SPARCL1: variants seen among roughly 807,000 people sequenced by gnomAD.
SPARCL1 encodes SPARC-like protein 1.
In SPARCL1, 52 loss-of-function variants were observed where a neutral mutation model predicts 67.1. The observed-to-expected ratio is 0.78, with a 90% CI of 0.62 to 0.98. The LOEUF (loss-of-function observed/expected upper bound fraction) is 0.98, where lower values mean the gene tolerates loss of function less well. SPARCL1 is among the 50% of genes least tolerant of loss of function. SPARCL1 has a pLI of 0.00. For missense variants in SPARCL1, 717 were observed against 782.4 expected (o/e 0.92, Z 1.00); for synonymous variants, 226 against 267.8 (o/e 0.84, Z 1.52).
chr4:87,474,365 C>T (rs1372245594), intron 10 of SPARCL1, among the ~76,000 whole-genome samples: 1 of 150,972 alleles, frequency 6.6e-6, no homozygotes, highest in Non-Finnish European at 1.5e-5. Flanking sequence ...TAATCTTTAT[C>T]TAGCCCAGAG....
At chr4:87,498,133 A>C (rs1007740905) in intron 2 of SPARCL1, among the ~76,000 whole-genome samples, 5 of 152,172 alleles carry the variant, frequency 3.3e-5, no homozygotes, top group African/African-American at 1.2e-4. Context: ...GGAGAAAACA[A>C]CGGTTTTGTG....
intron 1 of SPARCL1, among the ~76,000 whole-genome samples, chr4:87,522,717 A>G (rs1725875769): frequency 6.6e-6 from 1 of 151,842 alleles, no homozygotes; most frequent in Non-Finnish European, 1.5e-5. Flanking sequence ...TTCAGACTTC[A>G]GATCAAGGAA....
chr4:87,473,861 A>C, intron 10 of SPARCL1, 58 bp from the exon 11 acceptor site: 1 of 1,190,064 alleles, frequency 8.4e-7, no homozygotes, highest in Non-Finnish European at 1.2e-6. Flanking sequence ...GTAGTAGCAC[A>C]AACAATATTA....
intron 7 of SPARCL1, among the ~76,000 whole-genome samples, chr4:87,484,075 T>C (rs1034455331): frequency 6.6e-6 from 1 of 152,226 alleles, no homozygotes; most frequent in Non-Finnish European, 1.5e-5. Context: ...GTGCAGAAGC[T>C]CTTTAGTTTA....
At position 87,499,420 on chromosome 4, in the gene SPARCL1, G is replaced by T. The variant is rs537348225; in HGVS notation, c.54+101C>A. 24 of 950,228 alleles carry T rather than the reference G, an allele frequency of 2.5e-5. No homozygotes were observed. In the South Asian group the frequency reaches 2.9e-4, roughly 12 times the overall value. The allele number at this position is 950,228 out of a possible 1,614,324, so 58.9% of individuals were successfully genotyped here. A position where few individuals can be genotyped will look rare whatever the true frequency, so the allele number is the denominator to read the frequency against. Reference sequence around the variant, plus strand: ...AAAGAATATAATTAAAATAAAAAGAGAATTTCAAACCATTATATAAGAACA... The same window carrying T: ...AAAGAATATAATTAAAATAAAAAGATAATTTCAAACCATTATATAAGAACA... On this transcript the variant is annotated intron_variant, in intron 2 of 10. Coordinates refer to ENST00000282470, the MANE Select transcript of SPARCL1 (RefSeq NM_004684.6).
rs57597004 is a variant in SPARCL1 at position 87,486,888 on chromosome 4, C to CTTTTTTTTTTTTTTTTTTTTTT, written c.1531+3363_1531+3384dup. Among the ~76,000 whole-genome samples the CTTTTTTTTTTTTTTTTTTTTTT allele has an allele frequency of 3.2e-4, 9 of 28,000 alleles. 2 individuals carry two copies. Among genetic ancestry groups the CTTTTTTTTTTTTTTTTTTTTTT allele is most frequent in the African/African-American group, 5.3e-4 (4 of 7,618 alleles). 18.4% of individuals were successfully genotyped at this position (28,000 alleles called of 152,430 possible). ...TCTGAGGCTAGTATTGCAATTCCTGCTTTTTTTTTTTTTTTTTTTTTTTTT... is the reference window on the plus strand; with the variant it reads ...TCTGAGGCTAGTATTGCAATTCCTGCTTTTTTTTTTTTTTTTTTTTTTTTTTTTTTTTTTTTTTTTTTTTTTT... On this transcript the variant is annotated intron_variant, in intron 7 of 10. Transcript: ENST00000282470.
At chr4:87,502,491 G>A (rs887107686) in intron 1 of SPARCL1, among the ~76,000 whole-genome samples, 6 of 151,868 alleles carry the variant, frequency 4.0e-5, no homozygotes, top group Admixed American at 1.3e-4. Flanking sequence ...CAACTTTTTC[G>A]CTTCCATATG....
chr4:87,490,345 C>T lies in SPARCL1; in HGVS notation c.1459G>A (p.Ala487Thr), dbSNP rs986278081. The T allele has an allele frequency of 7.4e-6, 12 of 1,613,274 alleles. No individual in the cohort carries two copies. The highest frequency in any genetic ancestry group is 6.7e-5 in the East Asian group (3 of 44,834). Reference sequence around the variant, plus strand: ...GTCCCCTCCAGTCTGCATTTAGTAGCGAATAGATGACAGGAACTAGCATAG... The same window carrying T: ...GTCCCCTCCAGTCTGCATTTAGTAGTGAATAGATGACAGGAACTAGCATAG... The part of the protein sequence containing the change: ...QTYASSCHLF[A>T]TKCRLEGTKK... The change falls in exon 7 of 11, where the codon GCT (alanine) becomes ACT (threonine). Residue 487 changes from alanine (A) to threonine (T), a missense_variant. Coordinates refer to ENST00000282470, the MANE Select transcript of SPARCL1 (RefSeq NM_004684.6).
At chr4:87,506,858 G>A (rs941923139) in intron 1 of SPARCL1, among the ~76,000 whole-genome samples, 12 of 150,592 alleles carry the variant, frequency 8.0e-5, no homozygotes, top group Non-Finnish European at 1.6e-4. Flanking sequence ...TCTCCTATTT[G>A]TTCTGTTTCT....
At chr4:87,489,874 C>T (rs1724240778) in intron 7 of SPARCL1, among the ~76,000 whole-genome samples, 2 of 152,150 alleles carry the variant, frequency 1.3e-5, no homozygotes, top group South Asian at 4.1e-4. Flanking sequence ...CCTTAAAACA[C>T]TTCTGGAAAA....
intron 2 of SPARCL1, among the ~76,000 whole-genome samples, chr4:87,499,113 T>C (rs993339323): frequency 6.6e-6 from 1 of 152,152 alleles, no homozygotes; most frequent in Non-Finnish European, 1.5e-5. Flanking sequence ...TGACCTCAGG[T>C]GATCCGCCCA....
intron 1 of SPARCL1, among the ~76,000 whole-genome samples, chr4:87,508,229 T>C (rs202082608): frequency 6.6e-6 from 1 of 150,980 alleles, no homozygotes; most frequent in Non-Finnish European, 1.5e-5. Flanking sequence ...TTTTTTTTCC[T>C]TTGAGGTGGG....
intron 1 of SPARCL1, among the ~76,000 whole-genome samples, chr4:87,500,717 T>C (rs1724806030): frequency 2.6e-5 from 4 of 152,240 alleles, no homozygotes; most frequent in African/African-American, 2.4e-5. Flanking sequence ...TAAATGGATA[T>C]TTTAAAATAT....
intron 1 of SPARCL1, among the ~76,000 whole-genome samples, chr4:87,501,418 T>G (rs1252274264): frequency 6.6e-6 from 1 of 152,170 alleles, no homozygotes; most frequent in East Asian, 1.9e-4. Flanking sequence ...GAGACAGAAT[T>G]TTTAAGGTAT....
chr4:87,519,858 A>G (rs576918214), intron 1 of SPARCL1, among the ~76,000 whole-genome samples: 1 of 152,250 alleles, frequency 6.6e-6, no homozygotes, highest in South Asian at 2.1e-4. Context: ...ATTTAGGATG[A>G]CCCCTCTCCA....
At chr4:87,516,891 T>A (rs1161068756) in intron 1 of SPARCL1, among the ~76,000 whole-genome samples, 2 of 152,190 alleles carry the variant, frequency 1.3e-5, no homozygotes, top group African/African-American at 4.8e-5. Flanking sequence ...TTTCTCGTCT[T>A]ATCATACCAC....
chr4:87,474,234 G>A (rs1418095057), intron 10 of SPARCL1, among the ~76,000 whole-genome samples: 1 of 152,122 alleles, frequency 6.6e-6, no homozygotes, highest in Non-Finnish European at 1.5e-5. Flanking sequence ...AGAAATTGTC[G>A]CCATACCTGT....
intron 2 of SPARCL1, among the ~76,000 whole-genome samples, chr4:87,497,508 C>T (rs6531999): frequency 0.5 from 75,958 of 152,170 alleles, 21,196 homozygotes; most frequent in African/African-American, 0.76. Context: ...TGTTTTATCA[C>T]TATGGGCATA....
At chr4:87,508,889 G>GTGTATATA (rs1300541882) in intron 1 of SPARCL1, among the ~76,000 whole-genome samples, 15 of 138,360 alleles carry the variant, frequency 1.1e-4, no homozygotes, top group Middle Eastern at 3.8e-3. Flanking sequence ...ATGTATATAA[G>GTGTATATA]TATATATATA....
Sources: allele counts gnomAD v4.1 joint callset (sites outside exome capture counted in the v4.1 genomes callset), GRCh38; gene constraint gnomAD v4.1.1; transcripts MANE v1.5; gene names NCBI Gene and HGNC (gene_info 2026-07-23, HGNC 2026-07-21).